Variants in ASPG observed in about 807,000 individuals in gnomAD.
ASPG encodes the protein asparaginase, also known as 60 kDa lysophospholipase.
In ASPG, 53 loss-of-function variants were observed where a neutral mutation model predicts 63.2. The ratio of observed to expected loss-of-function variants is 0.84; its 90% CI spans 0.67 to 1.05. The LOEUF (loss-of-function observed/expected upper bound fraction) is 1.05. Among genes scored for constraint, ASPG ranks in the 50% least tolerant of loss-of-function variants. The probability of loss-of-function intolerance (pLI) is 0.00; values close to 1 mark genes in which losing one functional copy is unlikely to be tolerated. For synonymous variants in ASPG, 370 were observed against 355.0 expected, an observed-to-expected ratio of 1.04 and a Z score of -0.48; for missense variants, 741 against 794.4, an observed-to-expected ratio of 0.93 and a Z score of 0.81.
At chr14:104,093,423 C>T (rs1265018818) in intron 2 of ASPG, 68 bp from the exon 3 acceptor site, 2 of 1,376,548 alleles carry the variant, frequency 1.5e-6, no homozygotes, top group Admixed American at 1.7e-5. Context: ...CGGGTCAGGG[C>T]ATTTAGAGCA....
At chr14:104,111,130 T>G in intron 13 of ASPG, 6 of 985,320 alleles carry the variant, frequency 6.1e-6, no homozygotes, top group Non-Finnish European at 7.2e-6. Context: ...TGCATATGTG[T>G]GTGCAAAGGC....
chr14:104,112,823 C>A lies in ASPG; in HGVS notation c.*279C>A. 1 of 573,244 alleles carries A rather than the reference C, an allele frequency of 1.7e-6. No individual in the cohort carries two copies. Among genetic ancestry groups the A allele is most frequent in the Non-Finnish European group, 3.0e-6 (1 of 336,154 alleles). The allele number at this position is 573,244 out of a possible 1,614,324, so 35.5% of individuals were successfully genotyped here. ...TCTCTGCGGGGGTCACTTGGCCCAT[C>A]CTTCCGGGGGCAGCTGTGCGTGTGA... On this transcript the variant is annotated 3_prime_UTR_variant, in exon 16 of 16. Transcript: ENST00000551177.
rs2037419173 is a variant in ASPG at position 104,112,874 on chromosome 14, G to A, written c.*330G>A. 8.0e-6 allele frequency: 3 copies of A among 372,758 alleles called. No homozygotes were observed. The highest frequency in any genetic ancestry group is 1.5e-5 in the Non-Finnish European group (3 of 198,882). The allele number at this position is 372,758 out of a possible 1,614,324, so 23.1% of individuals were successfully genotyped here. ...GCTGGGCAGGGTGGGGTGCATGGAC[G>A]TGACTTGGCCAAGTGGTCCTTTCCC... On this transcript the variant is annotated 3_prime_UTR_variant, in exon 16 of 16. Coordinates refer to ENST00000551177, the MANE Select transcript of ASPG (RefSeq NM_001080464.3).
At position 104,091,733 on chromosome 14, in the gene ASPG, C is replaced by T. The variant is rs569664780; in HGVS notation, c.83-900C>T. On this transcript the variant is annotated intron_variant, in intron 1 of 15. Coordinates refer to ENST00000551177, the MANE Select transcript of ASPG (RefSeq NM_001080464.3). This position sits in a 1 kb window ranked among gnomAD's most constrained non-coding sequence, Gnocchi z 6.4. ...GTGAGCCAGTGATAGGCGATGGGTA[C>T]AGCTGCAGAGGGCGAGGGGGGAAAG... Among the ~76,000 whole-genome samples, 7 of 149,834 alleles carry T rather than the reference C, an allele frequency of 4.7e-5. No homozygotes were observed. In the South Asian group the frequency reaches 1.5e-3, roughly 31 times the overall value.
At chr14:104,099,395 C>T (rs1219323912) in intron 6 of ASPG, among the ~76,000 whole-genome samples, 1 of 152,214 alleles carries the variant, frequency 6.6e-6, no homozygotes, top group Non-Finnish European at 1.5e-5. Flanking sequence ...GCCCAGCCAT[C>T]CTTGTGGGGC....
rs1354327899 is a variant in ASPG, at chr14:104,110,407, AG to A, written c.1521-1093del. On this transcript the variant is annotated intron_variant, in intron 13 of 15. Coordinates refer to ENST00000551177, the MANE Select transcript of ASPG (RefSeq NM_001080464.3). The surrounding 1 kb of genome is among the most constrained non-coding windows in gnomAD (Gnocchi z 4.7). ...CTTGGTCAAGATTTGCACTCCAGACAGGCCTTGCTGGCTCCATTGACAGATG... is the reference window on the plus strand; with the variant it reads ...CTTGGTCAAGATTTGCACTCCAGACAGCCTTGCTGGCTCCATTGACAGATG... 1.4e-5 allele frequency: 14 copies of A among 985,232 alleles called. No individual in the cohort carries two copies. Among genetic ancestry groups the A allele is most frequent in the South Asian group, 4.7e-5 (1 of 21,290 alleles). 61.0% of individuals were successfully genotyped at this position (985,232 alleles called of 1,614,324 possible).
chr14:104,113,332 C>G lies in ASPG; in HGVS notation c.*788C>G, dbSNP rs1316471871. 1 of 151,468 alleles carries G rather than the reference C, an allele frequency of 6.6e-6. No individual in the cohort carries two copies. The highest frequency in any genetic ancestry group is 2.4e-5 in the African/African-American group (1 of 41,220). 9.4% of individuals were successfully genotyped at this position (151,468 alleles called of 1,614,324 possible). On this transcript the variant is annotated 3_prime_UTR_variant, in exon 16 of 16. Coordinates refer to ENST00000551177, the MANE Select transcript of ASPG (RefSeq NM_001080464.3). ...GGTGAGCTGTGCCTGCCTGGTTGCA[C>G]AGCCTGGGCAGGTGGGCGGGTGGGG...
At chr14:104,107,840 G>A (rs542743398) in intron 12 of ASPG, among the ~76,000 whole-genome samples, 1 of 152,102 alleles carries the variant, frequency 6.6e-6, no homozygotes, top group African/African-American at 2.4e-5. Context: ...GCCAGCACTG[G>A]TGGGATCTGC....
chr14:104,110,030 C>T lies in ASPG; in HGVS notation c.1520+715C>T. ...TGTCCGCCACAGCCAGAATCGCTGC[C>T]CCCCACCCCATGCCTTGTGCCTGGT... is the stretch of plus-strand genomic sequence containing the variant. On this transcript the variant is annotated intron_variant, in intron 13 of 15. Transcript: ENST00000551177. The surrounding 1 kb of genome is among the most constrained non-coding windows in gnomAD (Gnocchi z 4.7). 1.0e-6 allele frequency: 1 copy of T among 985,368 alleles called. No individual in the cohort carries two copies. The allele number at this position is 985,368 out of a possible 1,614,324, so 61.0% of individuals were successfully genotyped here.
Position 104,109,237 on chromosome 14 carries a change from G to A in ASPG, c.1442G>A (p.Gly481Asp). Residue 481 changes from glycine (G) to aspartate (D), a missense_variant, in exon 13 of 16, where the codon GGT becomes GAT. Physicochemically the swap from Gly to Asp is moderately conservative, Grantham distance 94 (BLOSUM62 -1). Coordinates refer to ENST00000551177, the MANE Select transcript of ASPG (RefSeq NM_001080464.3). The surrounding 1 kb of genome is among the most constrained non-coding windows in gnomAD (Gnocchi z 4.8). ...LLLAVRGRHP[G>D]VIGLLREAGA... The stretch of plus-strand genomic sequence containing the variant: ...TGCTCATTCTCACACAGGCATCCGG[G>A]TGTCATTGGGTTGCTGCGGGAAGCC... 3 of 1,613,302 alleles carry A rather than the reference G, an allele frequency of 1.9e-6. No homozygotes were observed. Among genetic ancestry groups the A allele is most frequent in the Non-Finnish European group, 2.5e-6 (3 of 1,179,792 alleles).
At chr14:104,107,595 G>T (rs1342650550) in intron 12 of ASPG, among the ~76,000 whole-genome samples, 8 of 152,196 alleles carry the variant, frequency 5.3e-5, no homozygotes, top group African/African-American at 1.9e-4. Flanking sequence ...GGGGGCTGGG[G>T]TGGAGGTGGG....
chr14:104,110,305 G>C lies in ASPG; in HGVS notation c.1520+990G>C. 1.0e-6 allele frequency: 1 copy of C among 985,326 alleles called. No homozygotes were observed. Among genetic ancestry groups the C allele is most frequent in the Non-Finnish European group, 1.2e-6 (1 of 829,892 alleles). 61.0% of individuals were successfully genotyped at this position (985,326 alleles called of 1,614,324 possible). A position where few individuals can be genotyped will look rare whatever the true frequency, so the allele number is the denominator to read the frequency against. On this transcript the variant is annotated intron_variant, in intron 13 of 15. Coordinates refer to ENST00000551177, the MANE Select transcript of ASPG (RefSeq NM_001080464.3). The surrounding 1 kb of genome is among the most constrained non-coding windows in gnomAD (Gnocchi z 4.7). ...TGCAGGCGCCTGCCCAGCAGGAGGA[G>C]GACTAGCAGCTCTGGCTTCTCCTCT...
chr14:104,108,793 C>T (rs12587599), intron 12 of ASPG: 128,682 of 985,330 alleles, frequency 0.13, 8,591 homozygotes, highest in Middle Eastern at 0.14. Flanking sequence ...GAGGAGGTCA[C>T]CACGGGGTGT....
chr14:104,104,925 C>G lies in ASPG; in HGVS notation c.1050+190C>G, dbSNP rs1450547264. The G allele has an allele frequency of 1.2e-5, 7 of 597,730 alleles. No individual in the cohort carries two copies. In the East Asian group the frequency reaches 1.4e-4, roughly 12 times the overall value. The allele number at this position is 597,730 out of a possible 1,614,324, so 37.0% of individuals were successfully genotyped here. A position where few individuals can be genotyped will look rare whatever the true frequency, so the allele number is the denominator to read the frequency against. On this transcript the variant is annotated intron_variant, in intron 9 of 15. Transcript: ENST00000551177. ...CTCTGGGCCCAGGCTCCCCACAGCC[C>G]TCACTGGACTCCCAGCCCAGGCTCC...
chr14:104,106,704 G>A (rs2037145035), intron 10 of ASPG, 95 bp from the exon 11 acceptor site: 2 of 1,129,262 alleles, frequency 1.8e-6, no homozygotes, highest in African/African-American at 1.5e-5. Flanking sequence ...GCCCTTGTGT[G>A]GGGGCTGGCA....
At chr14:104,092,151 G>GGA (rs2036387546) in intron 1 of ASPG, among the ~76,000 whole-genome samples, 1 of 152,118 alleles carries the variant, frequency 6.6e-6, no homozygotes, top group Non-Finnish European at 1.5e-5. Context: ...CTACAGCCTG[G>GGA]GCATCTGGGA....
chr14:104,112,145 C>A, intron 15 of ASPG, 145 bp downstream of exon 15: 2 of 744,686 alleles, frequency 2.7e-6, no homozygotes, highest in South Asian at 3.6e-5. Flanking sequence ...CTGCAGAGCC[C>A]CTCCTGGGGA....
In ASPG at chr14:104,098,103, G is replaced by GTATGGAGGTTATACC. The variant is rs1566830503; in HGVS notation, c.513+467_513+468insATGGAGGTTATACCT. On this transcript the variant is annotated intron_variant, in intron 5 of 15. Coordinates refer to ENST00000551177, the MANE Select transcript of ASPG (RefSeq NM_001080464.3). ...TTAGAGATGCGTATGGAGGTTCTGCGTTAGAGATGCGTATGGAGGTTCTCC... is the reference window on the plus strand; with the variant it reads ...TTAGAGATGCGTATGGAGGTTCTGCGTATGGAGGTTATACCTTAGAGATGCGTATGGAGGTTCTCC... Among the ~76,000 whole-genome samples, 16 of 31,144 alleles carry GTATGGAGGTTATACC rather than the reference G, an allele frequency of 5.1e-4. 1 individual carries two copies. The highest frequency in any genetic ancestry group is 3.0e-3 in the Admixed American group (9 of 3,018). The allele number at this position is 31,144 out of a possible 152,430, so 20.4% of individuals were successfully genotyped here.
At chr14:104,093,338 AC>A in intron 2 of ASPG, 152 bp from the exon 3 acceptor site, 1 of 728,100 alleles carries the variant, frequency 1.4e-6, no homozygotes, top group Admixed American at 2.0e-5. Context: ...CGGGCCCCGT[AC>A]CTGGGATGCT....
Sources: allele counts gnomAD v4.1 joint callset (sites outside exome capture counted in the v4.1 genomes callset), GRCh38; gene constraint gnomAD v4.1.1; non-coding constraint Gnocchi (gnomAD v3.1); transcripts MANE v1.5; gene names NCBI Gene and HGNC (gene_info 2026-07-23, HGNC 2026-07-21).